The following PTPRG variants were observed in gnomAD, a reference collection of about 807,000 sequenced individuals.
The protein encoded by PTPRG is receptor-type tyrosine-protein phosphatase gamma.
PTPRG carries 102 observed loss-of-function variants against 165.3 expected under a neutral mutation model. The observed-to-expected ratio is 0.62, with a 90% CI of 0.53 to 0.73. PTPRG has a LOEUF of 0.73. PTPRG is among the 30% of genes least tolerant of loss of function. PTPRG has a pLI of 0.00. For missense variants in PTPRG, 1,866 were observed against 1,861.4 expected (o/e 1.00, Z -0.05); for synonymous variants, 675 against 669.5 (o/e 1.01, Z -0.13).
intron 2 of PTPRG, among the ~76,000 whole-genome samples, chr3:61,841,201 TAA>T (rs1459371039): frequency 6.6e-6 from 1 of 152,222 alleles, no homozygotes; most frequent in African/African-American, 2.4e-5. Context: ...CCAAAAATGT[TAA>T]AGAGATGTTT....
At chr3:61,582,093 G>A (rs1000727280) in intron 1 of PTPRG, among the ~76,000 whole-genome samples, 2 of 151,562 alleles carry the variant, frequency 1.3e-5, no homozygotes, top group Non-Finnish European at 2.9e-5. Flanking sequence ...TCAGCCTCCC[G>A]CATAACTGGT....
At chr3:61,706,580 G>A (rs916028094) in intron 1 of PTPRG, among the ~76,000 whole-genome samples, 2 of 148,898 alleles carry the variant, frequency 1.3e-5, no homozygotes, top group African/African-American at 2.5e-5. Flanking sequence ...TGCCACCTCC[G>A]CCTCCGGGGT....
chr3:62,046,318 T>G (rs1700291055), intron 4 of PTPRG, among the ~76,000 whole-genome samples: 1 of 152,216 alleles, frequency 6.6e-6, no homozygotes, highest in Non-Finnish European at 1.5e-5. Flanking sequence ...GTTACGTGTG[T>G]GGGGATGGAC....
chr3:61,584,536 C>T (rs1354186494), intron 1 of PTPRG, among the ~76,000 whole-genome samples: 1 of 151,382 alleles, frequency 6.6e-6, no homozygotes, highest in Non-Finnish European at 1.5e-5. Flanking sequence ...AAGATGAGCG[C>T]TTCCAGCAGA....
intron 1 of PTPRG, among the ~76,000 whole-genome samples, chr3:61,689,603 G>A (rs2030029644): frequency 6.6e-6 from 1 of 152,228 alleles, no homozygotes. Flanking sequence ...CTTGGAAATT[G>A]AGGCACTGAA....
intron 5 of PTPRG, among the ~76,000 whole-genome samples, chr3:62,125,733 A>C (rs1482377733): frequency 1.3e-5 from 2 of 150,022 alleles, no homozygotes; most frequent in Non-Finnish European, 3.0e-5. Context: ...TGTGTGAAAC[A>C]GTTTGCAACG....
At chr3:61,678,043 T>G (rs1703297065) in intron 1 of PTPRG, among the ~76,000 whole-genome samples, 1 of 152,188 alleles carries the variant, frequency 6.6e-6, no homozygotes, top group South Asian at 2.1e-4. Context: ...AGTCCTGATG[T>G]TGGGCAGATG....
chr3:62,195,812 G>C lies in PTPRG; in HGVS notation c.1327+642G>C, dbSNP rs1699947423. The stretch of plus-strand genomic sequence containing the variant: ...TTTTTTTTGTTTGTTTGTTTGTTTT[G>C]AGATGAAGTCTCGCTCTGTTGCCCA... On this transcript the variant is annotated intron_variant, in intron 10 of 29. Coordinates refer to ENST00000474889, the MANE Select transcript of PTPRG (RefSeq NM_002841.4). This position sits in a 1 kb window ranked among gnomAD's most constrained non-coding sequence, Gnocchi z 4.4. Among the ~76,000 whole-genome samples, 1 of 152,042 alleles carries C rather than the reference G, an allele frequency of 6.6e-6. No individual in the cohort carries two copies. Among genetic ancestry groups the C allele is most frequent in the Non-Finnish European group, 1.5e-5 (1 of 67,990 alleles).
At chr3:61,603,120 T>G (rs535578131) in intron 1 of PTPRG, among the ~76,000 whole-genome samples, 1 of 152,290 alleles carries the variant, frequency 6.6e-6, no homozygotes, top group South Asian at 2.1e-4. Flanking sequence ...ACACTATAAA[T>G]CAGCCACCCT....
At chr3:61,641,654 A>G (rs1401741099) in intron 1 of PTPRG, among the ~76,000 whole-genome samples, 3 of 152,182 alleles carry the variant, frequency 2.0e-5, no homozygotes, top group Non-Finnish European at 2.9e-5. Context: ...ATGGGTCATC[A>G]TTACATATAT....
chr3:61,702,409 G>C lies in PTPRG; in HGVS notation c.86-46469G>C, dbSNP rs116619338. ...TTCATTTTAGAGAAGAGGATTTTGAGGCCCAGGAAATAAAGTAACTGACTG... is the reference window on the plus strand; with the variant it reads ...TTCATTTTAGAGAAGAGGATTTTGACGCCCAGGAAATAAAGTAACTGACTG... On this transcript the variant is annotated intron_variant, in intron 1 of 29. Transcript: ENST00000474889. 3.2e-3 allele frequency among the ~76,000 whole-genome samples: 485 copies of C among 152,266 alleles called. 2 individuals are homozygous for C. Among genetic ancestry groups the C allele is most frequent in the African/African-American group, 0.011 (461 of 41,550 alleles).
At chr3:62,053,289 C>T (rs569886364) in intron 4 of PTPRG, among the ~76,000 whole-genome samples, 12 of 122,662 alleles carry the variant, frequency 9.8e-5, no homozygotes, top group Admixed American at 7.9e-4. Flanking sequence ...TTTTTGGAGA[C>T]GGAGTCTCTT....
intron 1 of PTPRG, among the ~76,000 whole-genome samples, chr3:61,717,067 G>A (rs2031841321): frequency 6.6e-6 from 1 of 152,146 alleles, no homozygotes; most frequent in Admixed American, 6.6e-5. Context: ...AGTATTTATT[G>A]CAAAAGATAT....
intron 4 of PTPRG, among the ~76,000 whole-genome samples, chr3:62,027,998 G>C (rs1472507333): frequency 6.6e-6 from 1 of 152,154 alleles, no homozygotes; most frequent in Non-Finnish European, 1.5e-5. Flanking sequence ...TTTTAGATGT[G>C]TTATGTGTGA....
At chr3:62,002,746 G>A (rs1371345359) in intron 3 of PTPRG, among the ~76,000 whole-genome samples, 2 of 152,170 alleles carry the variant, frequency 1.3e-5, no homozygotes, top group Admixed American at 6.5e-5. Context: ...GTATTTGAGT[G>A]ACTTCAAGAG....
chr3:61,601,735 A>G (rs759368729), intron 1 of PTPRG, among the ~76,000 whole-genome samples: 6 of 152,212 alleles, frequency 3.9e-5, no homozygotes, highest in Non-Finnish European at 7.3e-5. Flanking sequence ...GTGGGGGGAA[A>G]CAGACTAACA....
At chr3:62,206,467 C>T (rs1201397326) in intron 12 of PTPRG, among the ~76,000 whole-genome samples, 1 of 152,066 alleles carries the variant, frequency 6.6e-6, no homozygotes, top group East Asian at 1.9e-4. Flanking sequence ...TGCTTAATGC[C>T]GAAGGTGGTG....
At position 62,203,910 on chromosome 3, in the gene PTPRG, C is replaced by T. The variant is rs1443257095; in HGVS notation, c.2115C>T (p.Asp705=). 8 of 1,598,268 alleles carry T rather than the reference C, an allele frequency of 5.0e-6. No homozygotes were observed. Among genetic ancestry groups the T allele is most frequent in the East Asian group, 2.2e-5 (1 of 44,638 alleles). The change falls in exon 12 of 30, where the codon GAC becomes GAT. Residue 705 remains aspartate, a synonymous_variant. Transcript: ENST00000474889. The surrounding 1 kb of genome is among the most constrained non-coding windows in gnomAD (Gnocchi z 6.4). ...MPSKKPMSRG[D]RFSEDSRFIT... Reference sequence around the variant, plus strand: ...CTAAAAAGCCTATGTCCCGCGGGGACCGATTTTCTGAAGACAGCAGATTTA... The same window carrying T: ...CTAAAAAGCCTATGTCCCGCGGGGATCGATTTTCTGAAGACAGCAGATTTA...
At chr3:62,162,002 A>T (rs915656616) in intron 7 of PTPRG, among the ~76,000 whole-genome samples, 4 of 152,132 alleles carry the variant, frequency 2.6e-5, no homozygotes, top group African/African-American at 9.7e-5. Flanking sequence ...AATTGCCATT[A>T]TATGCCCATC....
Sources: gnomAD v4.1 joint callset for allele counts (sites outside exome capture counted in the v4.1 genomes callset) on GRCh38, gnomAD v4.1.1 for gene constraint, Gnocchi (gnomAD v3.1) non-coding constraint, MANE v1.5 for transcripts, NCBI Gene and HGNC (gene_info 2026-07-23, HGNC 2026-07-21) for gene names.